ALDH1L1: variants seen among roughly 807,000 people sequenced by gnomAD.
ALDH1L1 encodes aldehyde dehydrogenase 1 family member L1.
Under a neutral mutation model 101.1 loss-of-function variants are expected in ALDH1L1, and 68 were observed. That is an observed-to-expected ratio of 0.67 (90% CI 0.55 to 0.82). ALDH1L1 has a LOEUF of 0.82. ALDH1L1 is among the 40% of genes least tolerant of loss of function. The pLI, the probability that ALDH1L1 is intolerant of heterozygous loss-of-function variation, is 0.00. For missense variants in ALDH1L1, 1,087 were observed against 1,172.7 expected (o/e 0.93, Z 1.07); for synonymous variants, 486 against 470.8 (o/e 1.03, Z -0.42).
chr3:126,125,490 C>T, intron 15 of ALDH1L1, 126 bp downstream of exon 15: 1 of 641,816 alleles, frequency 1.6e-6, no homozygotes, highest in Non-Finnish European at 2.3e-6. Context: ...GGGCAGCTGG[C>T]ATTAGCAGGA....
chr3:126,126,742 C>A (rs1261943235), intron 14 of ALDH1L1, among the ~76,000 whole-genome samples: 1 of 152,210 alleles, frequency 6.6e-6, no homozygotes, highest in Non-Finnish European at 1.5e-5. Context: ...ATTGTGCCCC[C>A]ACTCCCCAAT....
chr3:126,113,746 T>C (rs1946154017), intron 18 of ALDH1L1, among the ~76,000 whole-genome samples: 1 of 152,182 alleles, frequency 6.6e-6, no homozygotes, highest in Admixed American at 6.5e-5. Context: ...GGGGCATATT[T>C]GGGGACCTGG....
chr3:126,189,322 G>A (rs1391154938), intron 1 of ALDH1L1, among the ~76,000 whole-genome samples: 2 of 152,186 alleles, frequency 1.3e-5, no homozygotes, highest in Non-Finnish European at 2.9e-5. Flanking sequence ...CAGGGAAAGC[G>A]TCTCATTAAG....
Position 126,153,554 on chromosome 3 carries a change from T to C in ALDH1L1, c.748A>G (p.Asn250Asp). The C allele has an allele frequency of 1.9e-6, 3 of 1,613,896 alleles. No individual in the cohort carries two copies. The highest frequency in any genetic ancestry group is 2.5e-6 in the Non-Finnish European group (3 of 1,179,934). Residue 250 changes from asparagine (N) to aspartate (D), a missense_variant, in exon 7 of 23, where the codon AAC becomes GAC. Asn to Asp is a conservative substitution (Grantham distance 23, BLOSUM62 1). Transcript: ENST00000393434. ...CCCTCGGGCACCAGGCCTGAAGTGT[T>C]CAGCGTTGAGTTGAAAAATGTCAGT... ...QKLTFFNSTL[N>D]TSGLVPEGDA...
chr3:126,194,739 C>T (rs562705895), intron 1 of ALDH1L1, among the ~76,000 whole-genome samples: 1 of 152,224 alleles, frequency 6.6e-6, no homozygotes, highest in African/African-American at 2.4e-5. Flanking sequence ...AATCCTTTAG[C>T]CCTCTAAACT....
chr3:126,127,999 G>A (rs1340211380), intron 14 of ALDH1L1, among the ~76,000 whole-genome samples: 2 of 152,068 alleles, frequency 1.3e-5, no homozygotes, highest in African/African-American at 4.8e-5. Context: ...GCTGGAGGTG[G>A]GACACAGGTG....
At chr3:126,130,452 C>G (rs2108234041) in intron 13 of ALDH1L1, among the ~76,000 whole-genome samples, 159 bp from the exon 14 acceptor site, 1 of 152,344 alleles carries the variant, frequency 6.6e-6, no homozygotes, top group African/African-American at 2.4e-5. Flanking sequence ...GCCAGAGGGG[C>G]AAGGTGTTTG....
At chr3:126,178,647 AATT>A (rs1236795177) in intron 1 of ALDH1L1, among the ~76,000 whole-genome samples, 2 of 152,106 alleles carry the variant, frequency 1.3e-5, no homozygotes, top group African/African-American at 4.8e-5. Context: ...GAAAACATTA[AATT>A]ATTAGAAAAT....
chr3:126,109,740 C>A (rs1331393869), intron 20 of ALDH1L1, among the ~76,000 whole-genome samples: 2 of 152,198 alleles, frequency 1.3e-5, no homozygotes, highest in African/African-American at 4.8e-5. Context: ...TAAACCAGCA[C>A]TGAATAATGC....
At chr3:126,183,259 G>A (rs2081491237), upstream of ALDH1L1, among the ~76,000 whole-genome samples, 1 of 152,184 alleles carries the variant, frequency 6.6e-6, no homozygotes, top group South Asian at 2.1e-4. Flanking sequence ...AGATGTGTGG[G>A]TTTGACAGTT....
In ALDH1L1 at chr3:126,105,694, T is replaced by C. The variant is rs372646682; in HGVS notation, c.2653+32A>G. On this transcript the variant is annotated intron_variant, in intron 22 of 22. Transcript: ENST00000393434. ...AACAGATGTTTGTTGAATGAATAAA[T>C]GAAAGCAACCCCACAGGCAGGAGTA... 94 of 1,612,850 alleles carry C rather than the reference T, an allele frequency of 5.8e-5. No homozygotes were observed. The African/African-American group carries it at 1.1e-3, about 19-fold the overall frequency.
upstream of ALDH1L1, among the ~76,000 whole-genome samples, chr3:126,184,646 G>GCTA (rs2108350991): frequency 6.6e-6 from 1 of 152,330 alleles, no homozygotes; most frequent in African/African-American, 2.4e-5. Context: ...AACAATGGGG[G>GCTA]CTACTGCTCC....
intron 8 of ALDH1L1, among the ~76,000 whole-genome samples, chr3:126,147,339 C>T (rs551786022): frequency 6.6e-6 from 1 of 152,272 alleles, no homozygotes; most frequent in Admixed American, 6.5e-5. Context: ...AGTGTGACAC[C>T]GATGCCCGGG....
At chr3:126,161,031 CAG>C in intron 1 of ALDH1L1, 29 bp from the exon 2 acceptor site, 1 of 1,610,272 alleles carries the variant, frequency 6.2e-7, no homozygotes, top group South Asian at 1.1e-5. Flanking sequence ...AGCAATTAGA[CAG>C]AGATCGCTGG....
rs2081455892 is a variant in ALDH1L1 at position 126,180,497 on chromosome 3, G to A, written c.-45C>T. 3 of 998,206 alleles carry A rather than the reference G, an allele frequency of 3.0e-6. No individual in the cohort carries two copies. The highest frequency in any genetic ancestry group is 1.0e-4 in the East Asian group (1 of 9,640). The allele number at this position is 998,206 out of a possible 1,614,324, so 61.8% of individuals were successfully genotyped here. ...TCACCGCGCGCAGGAGTTGGTGCGG[G>A]CGTCCCGGGCAGGTTAGACTTCTGT... On this transcript the variant is annotated 5_prime_UTR_variant, in exon 1 of 23. Transcript: ENST00000393434.
At position 126,107,154 on chromosome 3, in the gene ALDH1L1, G is replaced by A. The variant is rs778946941; in HGVS notation, c.2440C>T (p.Arg814Trp). Residue 814 changes from arginine to tryptophan, a missense_variant, in exon 21 of 23, where the codon CGG becomes TGG. Around this residue, in one of 2 missense-constraint regions of ALDH1L1, gnomAD observed 442 missense variants for 535.7 expected, o/e 0.83. Transcript: ENST00000393434. ...ESFGPVMIIS[R>W]FADGDLDAVL... ...AGGATTCCCTACCCATCAGCAAACC[G>A]AGAGATGATCATGACAGGCCCGAAG... 20 of 1,613,982 alleles carry A rather than the reference G, an allele frequency of 1.2e-5. No homozygotes were observed. Among genetic ancestry groups the A allele is most frequent in the South Asian group, 2.2e-5 (2 of 91,066 alleles).
At chr3:126,180,675 G>C (rs1032132250), upstream of ALDH1L1, 5 of 1,356,182 alleles carry the variant, frequency 3.7e-6, no homozygotes, top group Non-Finnish European at 4.8e-6. Context: ...TGGGGGCGGC[G>C]CTCACCGGTG....
intron 16 of ALDH1L1, among the ~76,000 whole-genome samples, chr3:126,124,120 C>G (rs1286277850): frequency 2.0e-5 from 1 of 49,098 alleles, no homozygotes; most frequent in Middle Eastern, 0.017. Flanking sequence ...GACACACACA[C>G]ACACACACAC....
In ALDH1L1 at chr3:126,132,467, T is replaced by A. The variant is rs149242942; in HGVS notation, c.1473-933A>T. Among the ~76,000 whole-genome samples the A allele has an allele frequency of 3.3e-3, 507 of 152,290 alleles. 3 individuals are homozygous for A. Among genetic ancestry groups the A allele is most frequent in the African/African-American group, 0.012 (482 of 41,556 alleles). ...CAAGCAGCTCCTGGCCATTTCCATT[T>A]CATTCTGGGGCCACAAGACCCCAGC... On this transcript the variant is annotated intron_variant, in intron 12 of 22. Coordinates refer to ENST00000393434, the MANE Select transcript of ALDH1L1 (RefSeq NM_012190.4).
Sources: gnomAD v4.1 joint callset for allele counts (sites outside exome capture counted in the v4.1 genomes callset) on GRCh38, gnomAD v4.1.1 for gene constraint, gnomAD v4.1.1 regional missense constraint, MANE v1.5 for transcripts, NCBI Gene and HGNC (gene_info 2026-07-23, HGNC 2026-07-21) for gene names.